Variants in MAP2K5 observed in about 807,000 individuals in gnomAD.
MAP2K5 encodes mitogen-activated protein kinase kinase 5.
MAP2K5 carries 49 observed loss-of-function variants against 83.1 expected under a neutral mutation model. The observed-to-expected ratio is 0.59, with a 90% CI of 0.47 to 0.75. The LOEUF is 0.75. MAP2K5 is among the 30% of genes least tolerant of loss of function. MAP2K5 has a pLI of 0.00. For missense variants in MAP2K5, 457 were observed against 557.5 expected, an observed-to-expected ratio of 0.82 and a Z score of 1.82; for synonymous variants, 202 against 191.8, an observed-to-expected ratio of 1.05 and a Z score of -0.44.
Position 67,736,299 on chromosome 15 carries a change from G to A in MAP2K5, c.1074+8354G>A, listed in dbSNP as rs977289635. ...AGGTCTCTGCCCTTGAGGACAGTTG[G>A]CACATGCCCCTGAGGGGTTCCCTGC... On this transcript the variant is annotated intron_variant, in intron 17 of 21. Coordinates refer to ENST00000178640, the MANE Select transcript of MAP2K5 (RefSeq NM_145160.3). This position sits in a 1 kb window ranked among gnomAD's most constrained non-coding sequence, Gnocchi z 4.3. 1.3e-5 allele frequency among the ~76,000 whole-genome samples: 2 copies of A among 152,226 alleles called. No homozygotes were observed. The highest frequency in any genetic ancestry group is 4.8e-5 in the African/African-American group (2 of 41,456).
intron 16 of MAP2K5, among the ~76,000 whole-genome samples, chr15:67,710,174 T>C (rs2088656809): frequency 6.6e-6 from 1 of 152,188 alleles, no homozygotes; most frequent in Non-Finnish European, 1.5e-5. Context: ...GCCCCATCTT[T>C]AGCATATGCA....
At chr15:67,578,927 A>G (rs1257214177) in intron 3 of MAP2K5, among the ~76,000 whole-genome samples, 1 of 152,202 alleles carries the variant, frequency 6.6e-6, no homozygotes, top group East Asian at 1.9e-4. Flanking sequence ...TCTATAATTA[A>G]CTTGTTAGAT....
chr15:67,753,942 T>C (rs1317293588), intron 19 of MAP2K5, among the ~76,000 whole-genome samples: 1 of 152,210 alleles, frequency 6.6e-6, no homozygotes, highest in Non-Finnish European at 1.5e-5. Flanking sequence ...AGCCCAAACG[T>C]AGAAAGAATC....
At position 67,748,687 on chromosome 15, in the gene MAP2K5, A is replaced by T; in HGVS notation, c.1134+86A>T. The T allele has an allele frequency of 7.0e-6, 9 of 1,276,706 alleles. No homozygotes were observed. The highest frequency in any genetic ancestry group is 7.9e-6 in the Non-Finnish European group (7 of 881,404). 79.1% of individuals were successfully genotyped at this position (1,276,706 alleles called of 1,614,324 possible). On this transcript the variant is annotated intron_variant, in intron 19 of 21. Coordinates refer to ENST00000178640, the MANE Select transcript of MAP2K5 (RefSeq NM_145160.3). The surrounding 1 kb of genome is among the most constrained non-coding windows in gnomAD (Gnocchi z 4.0). Reference sequence around the variant, plus strand: ...ATATTTTGTTTCCTAATGAAGCACAATGCCCAACATCCTTGGAGCAAGTTG... The same window carrying T: ...ATATTTTGTTTCCTAATGAAGCACATTGCCCAACATCCTTGGAGCAAGTTG...
chr15:67,553,107 G>A (rs1173442612), intron 2 of MAP2K5, among the ~76,000 whole-genome samples: 1 of 152,108 alleles, frequency 6.6e-6, no homozygotes, highest in African/African-American at 2.4e-5. Context: ...GCCAGGCAGT[G>A]TACTAGATGA....
At chr15:67,576,976 C>T (rs1480305041) in intron 3 of MAP2K5, among the ~76,000 whole-genome samples, 3 of 140,350 alleles carry the variant, frequency 2.1e-5, no homozygotes, top group East Asian at 2.1e-4. Flanking sequence ...TCGCCCAGGC[C>T]GGACTGCGGA....
intron 8 of MAP2K5, chr15:67,627,786 C>A: frequency 3.0e-6 from 1 of 335,358 alleles, no homozygotes; most frequent in South Asian, 5.9e-5. Flanking sequence ...AAAATTTTGT[C>A]AGTCCTTTCT....
In MAP2K5 at chr15:67,758,583, A is replaced by G. The variant is rs951646219; in HGVS notation, c.1134+9982A>G. On this transcript the variant is annotated intron_variant, in intron 19 of 21. Coordinates refer to ENST00000178640, the MANE Select transcript of MAP2K5 (RefSeq NM_145160.3). The surrounding 1 kb of genome is among the most constrained non-coding windows in gnomAD (Gnocchi z 4.7). ...ATAGGCTCTTGTAAATATTCATCAA[A>G]TGACATTTATGCATAAATCTCAACA... is the stretch of plus-strand genomic sequence containing the variant. Among the ~76,000 whole-genome samples the G allele has an allele frequency of 6.6e-6, 1 of 152,200 alleles. No individual in the cohort carries two copies. The highest frequency in any genetic ancestry group is 6.5e-5 in the Admixed American group (1 of 15,282).
intron 11 of MAP2K5, among the ~76,000 whole-genome samples, chr15:67,647,483 A>G (rs2086854058): frequency 6.6e-6 from 1 of 152,188 alleles, no homozygotes; most frequent in African/African-American, 2.4e-5. Flanking sequence ...ACGGTGGTTC[A>G]CGCATGTAAT....
At position 67,764,812 on chromosome 15, in the gene MAP2K5, T is replaced by C. The variant is rs1239371019; in HGVS notation, c.1135-4790T>C. ...GGCAAAAATGTAGTCCTAAGGAATATTTTTTTAAGCAAAAGGCCCTTAACT... is the reference window on the plus strand; with the variant it reads ...GGCAAAAATGTAGTCCTAAGGAATACTTTTTTAAGCAAAAGGCCCTTAACT... On this transcript the variant is annotated intron_variant, in intron 19 of 21. Coordinates refer to ENST00000178640, the MANE Select transcript of MAP2K5 (RefSeq NM_145160.3). The surrounding 1 kb of genome is among the most constrained non-coding windows in gnomAD (Gnocchi z 4.9). Among the ~76,000 whole-genome samples the C allele has an allele frequency of 6.6e-6, 1 of 152,200 alleles. No homozygotes were observed. Among genetic ancestry groups the C allele is most frequent in the Admixed American group, 6.5e-5 (1 of 15,282 alleles).
At chr15:67,731,191 G>A (rs1566945265) in intron 17 of MAP2K5, among the ~76,000 whole-genome samples, 1 of 152,148 alleles carries the variant, frequency 6.6e-6, no homozygotes, top group Non-Finnish European at 1.5e-5. Context: ...GTGGGGAGGA[G>A]GGGCCGGCTT....
intron 15 of MAP2K5, 77 bp from the exon 16 acceptor site, chr15:67,703,260 A>T (rs1340327164): frequency 9.5e-7 from 1 of 1,057,706 alleles, no homozygotes; most frequent in East Asian, 2.4e-5. Context: ...TCCTCACCTT[A>T]GCTGAGCTTA....
chr15:67,675,531 A>G (rs569849500), intron 13 of MAP2K5, among the ~76,000 whole-genome samples: 1 of 152,188 alleles, frequency 6.6e-6, no homozygotes, highest in Non-Finnish European at 1.5e-5. Flanking sequence ...ATCAGTGTCA[A>G]TACCCTGGTT....
At position 67,576,287 on chromosome 15, in the gene MAP2K5, T is replaced by A. The variant is rs1298769234; in HGVS notation, c.253-4467T>A. ...GTGCTGTTTTGGAACTCAAGTTTTT[T>A]AAAAAATATGGCAGATTTCCATGAA... On this transcript the variant is annotated intron_variant, in intron 3 of 21. Coordinates refer to ENST00000178640, the MANE Select transcript of MAP2K5 (RefSeq NM_145160.3). Among the ~76,000 whole-genome samples, 5 of 147,614 alleles carry A rather than the reference T, an allele frequency of 3.4e-5. 1 individual carries two copies. The highest frequency in any genetic ancestry group is 2.2e-4 in the South Asian group (1 of 4,484).
rs2090205534 is a variant in MAP2K5 at position 67,774,665 on chromosome 15, C to G, written c.1242+1913C>G. On this transcript the variant is annotated intron_variant, in intron 21 of 21. Coordinates refer to ENST00000178640, the MANE Select transcript of MAP2K5 (RefSeq NM_145160.3). This position sits in a 1 kb window ranked among gnomAD's most constrained non-coding sequence, Gnocchi z 4.9. ...TAATGGCTTTAATTTTTCCTTTTCT[C>G]TTCCCACCTACAACCTATTTGATGG... is the stretch of plus-strand genomic sequence containing the variant. 6.6e-6 allele frequency among the ~76,000 whole-genome samples: 1 copy of G among 152,206 alleles called. No individual in the cohort carries two copies. The highest frequency in any genetic ancestry group is 6.5e-5 in the Admixed American group (1 of 15,280).
At position 67,774,470 on chromosome 15, in the gene MAP2K5, T is replaced by C. The variant is rs993181338; in HGVS notation, c.1242+1718T>C. Among the ~76,000 whole-genome samples the C allele has an allele frequency of 1.3e-5, 2 of 151,980 alleles. No individual in the cohort carries two copies. The highest frequency in any genetic ancestry group is 4.8e-5 in the African/African-American group (2 of 41,358). ...TGAGGAGGCAGGGAACAATAGACTA[T>C]ATGTGAAGCTGCTGTGGTCAGAGAG... On this transcript the variant is annotated intron_variant, in intron 21 of 21. Transcript: ENST00000178640. The surrounding 1 kb of genome is among the most constrained non-coding windows in gnomAD (Gnocchi z 4.9).
Position 67,768,698 on chromosome 15 carries a change from G to C in MAP2K5, c.1135-904G>C, listed in dbSNP as rs1248705509. 6.6e-6 allele frequency among the ~76,000 whole-genome samples: 1 copy of C among 152,216 alleles called. No individual in the cohort carries two copies. The highest frequency in any genetic ancestry group is 1.5e-5 in the Non-Finnish European group (1 of 68,032). ...ATAGATGAGAATGGAGTCATTTGCA[G>C]CTGCCTACTTTATGTGGCTCTCTTG... On this transcript the variant is annotated intron_variant, in intron 19 of 21. Coordinates refer to ENST00000178640, the MANE Select transcript of MAP2K5 (RefSeq NM_145160.3). This position sits in a 1 kb window ranked among gnomAD's most constrained non-coding sequence, Gnocchi z 4.0.
intron 4 of MAP2K5, among the ~76,000 whole-genome samples, chr15:67,581,094 C>T (rs899065450): frequency 6.6e-6 from 1 of 151,974 alleles, no homozygotes; most frequent in Non-Finnish European, 1.5e-5. Context: ...TTTGGGGGTC[C>T]ACATGGTTTC....
Position 67,806,673 on chromosome 15 carries a change from G to T in MAP2K5, c.1270G>T (p.Asp424Tyr). 6.4e-7 allele frequency: 1 copy of T among 1,551,342 alleles called. No individual in the cohort carries two copies. Among genetic ancestry groups the T allele is most frequent in the Non-Finnish European group, 8.7e-7 (1 of 1,147,202 alleles). ...MGHPFIVQFN[D>Y]GNAAVVSMWV... ...CCACCCGTTCATCGTGCAGTTCAAT[G>T]ATGGAAATGCCGCCGTGGTGTCCAT... Residue 424 changes from aspartate to tyrosine, a missense_variant, in exon 22 of 22, where the codon GAT (aspartate) becomes TAT (tyrosine). Asp to Tyr is a radical substitution (Grantham distance 160). Transcript: ENST00000178640.
Sources: allele counts gnomAD v4.1 joint callset (sites outside exome capture counted in the v4.1 genomes callset), GRCh38; gene constraint gnomAD v4.1.1; non-coding constraint Gnocchi (gnomAD v3.1); transcripts MANE v1.5; gene names NCBI Gene and HGNC (gene_info 2026-07-23, HGNC 2026-07-21).